PARP3: variants seen among roughly 807,000 people sequenced by gnomAD.
PARP3 encodes poly(ADP-ribose) polymerase family member 3, also known as protein mono-ADP-ribosyltransferase PARP3.
Under a neutral mutation model 58.2 loss-of-function variants are expected in PARP3, and 46 were observed. The ratio of observed to expected loss-of-function variants is 0.79; its 90% CI spans 0.62 to 1.01. The LOEUF (loss-of-function observed/expected upper bound fraction) is 1.01, where lower values mean the gene tolerates loss of function less well. Ranked by LOEUF, PARP3 falls within the 50% of genes least tolerant of loss-of-function variation. The pLI is 0.00. For synonymous variants in PARP3, 252 were observed against 266.4 expected (o/e 0.95, Z 0.53); for missense variants, 663 against 683.9 (o/e 0.97, Z 0.34).
chr3:51,944,281 T>TG lies in PARP3; in HGVS notation c.312+71dup, dbSNP rs1051689448. ...CCTCAAAAGGCCACAGCTACTGACT[T>TG]GGGGGGGCACCTCCCAACTGTCCCA... On this transcript the variant is annotated intron_variant, in intron 3 of 10. Transcript: ENST00000398755. The surrounding 1 kb of genome is among the most constrained non-coding windows in gnomAD (Gnocchi z 4.2). 3.9e-5 allele frequency: 63 copies of TG among 1,608,560 alleles called. No individual in the cohort carries two copies. The highest frequency in any genetic ancestry group is 1.7e-4 in the Middle Eastern group (1 of 6,042).
Position 51,942,408 on chromosome 3 carries a change from C to G in PARP3, c.-303C>G. The G allele has an allele frequency of 1.8e-6, 1 of 563,800 alleles. No individual in the cohort carries two copies. The highest frequency in any genetic ancestry group is 1.9e-5 in the South Asian group (1 of 51,306). The allele number at this position is 563,800 out of a possible 1,614,324, so 34.9% of individuals were successfully genotyped here. A position where few individuals can be genotyped will look rare whatever the true frequency, so the allele number is the denominator to read the frequency against. On this transcript the variant is annotated 5_prime_UTR_variant, in exon 1 of 11. Coordinates refer to ENST00000398755, the MANE Select transcript of PARP3 (RefSeq NM_001003931.4). Reference sequence around the variant, plus strand: ...GTGCTGCAGGCCCCGGCCACATGAGCAGCGCTACGGACGCGACTGCCCCGG... The same window carrying G: ...GTGCTGCAGGCCCCGGCCACATGAGGAGCGCTACGGACGCGACTGCCCCGG...
chr3:51,947,515 T>C, intron 9 of PARP3: 1 of 562,826 alleles, frequency 1.8e-6, no homozygotes, highest in Non-Finnish European at 3.2e-6. Context: ...AGGCCATTGC[T>C]GACCTTGGTG....
At chr3:51,945,349 G>A in intron 6 of PARP3, 125 bp downstream of exon 6, 1 of 1,366,994 alleles carries the variant, frequency 7.3e-7, no homozygotes, top group Non-Finnish European at 1.0e-6. Flanking sequence ...CTGACAGACG[G>A]GTGGGGAAGG....
chr3:51,948,512 G>C lies in PARP3; in HGVS notation c.*32G>C. 1 of 1,603,498 alleles carries C rather than the reference G, an allele frequency of 6.2e-7. No homozygotes were observed. The highest frequency in any genetic ancestry group is 1.1e-5 in the South Asian group (1 of 90,362). On this transcript the variant is annotated 3_prime_UTR_variant, in exon 11 of 11. Coordinates refer to ENST00000398755, the MANE Select transcript of PARP3 (RefSeq NM_001003931.4). ...GCCCTGTCCCCCGGGGTCCTGCAAGGCTGGACTGTGATCTTCAATCATCCT... is the reference window on the plus strand; with the variant it reads ...GCCCTGTCCCCCGGGGTCCTGCAAGCCTGGACTGTGATCTTCAATCATCCT...
At chr3:51,943,971 G>C in intron 2 of PARP3, 118 bp from the exon 3 acceptor site, 1 of 914,488 alleles carries the variant, frequency 1.1e-6, no homozygotes, top group African/African-American at 1.7e-5. Flanking sequence ...TTCCAAGACA[G>C]GGTCCCTCTG....
At chr3:51,942,956 C>T in intron 1 of PARP3, 1 of 1,411,538 alleles carries the variant, frequency 7.1e-7, no homozygotes, top group Non-Finnish European at 9.2e-7. Context: ...GGCAACCATG[C>T]CAGGGCTGAA....
chr3:51,945,435 G>T, intron 6 of PARP3, 60 bp from the exon 7 acceptor site: 1 of 1,572,200 alleles, frequency 6.4e-7, no homozygotes, highest in South Asian at 1.2e-5. Context: ...TCATGTGAGA[G>T]AGGAGAGGGG....
chr3:51,948,645 C>T lies in PARP3; in HGVS notation c.*165C>T, dbSNP rs1699737835. ...AGATCCCTGAACTTATGCCTCCTAA[C>T]TGAAATTTTGTATTCTTTGACACAT... On this transcript the variant is annotated 3_prime_UTR_variant, in exon 11 of 11. Coordinates refer to ENST00000398755, the MANE Select transcript of PARP3 (RefSeq NM_001003931.4). The T allele has an allele frequency of 1.6e-6, 1 of 639,182 alleles. No individual in the cohort carries two copies. The highest frequency in any genetic ancestry group is 2.6e-6 in the Non-Finnish European group (1 of 382,356). 39.6% of individuals were successfully genotyped at this position (639,182 alleles called of 1,614,324 possible).
intron 2 of PARP3, among the ~76,000 whole-genome samples, 185 bp downstream of exon 2, chr3:51,943,723 C>CATCTGCCCTT (rs1699599855): frequency 6.6e-6 from 1 of 152,136 alleles, no homozygotes; most frequent in Admixed American, 6.5e-5. Flanking sequence ...AGGCGGGTCA[C>CATCTGCCCTT]ATCTGCCCTT....
In PARP3 at chr3:51,944,720, C is replaced by G; in HGVS notation, c.502-58C>G. On this transcript the variant is annotated intron_variant, in intron 4 of 10. Coordinates refer to ENST00000398755, the MANE Select transcript of PARP3 (RefSeq NM_001003931.4). This position sits in a 1 kb window ranked among gnomAD's most constrained non-coding sequence, Gnocchi z 4.2. ...CCTCTGGCCTCAGGCTGGCTGGTCT[C>G]TGTCTGGTGTCACGCCCTGCCCCGC... 6.3e-7 allele frequency: 1 copy of G among 1,577,870 alleles called. No homozygotes were observed. The highest frequency in any genetic ancestry group is 8.6e-7 in the Non-Finnish European group (1 of 1,160,912).
In PARP3 at chr3:51,945,604, G is replaced by A. The variant is rs1699658718; in HGVS notation, c.971G>A (p.Cys324Tyr). 6.2e-7 allele frequency: 1 copy of A among 1,613,938 alleles called. No homozygotes were observed. Among genetic ancestry groups the A allele is most frequent in the South Asian group, 1.1e-5 (1 of 91,072 alleles). The part of the protein sequence containing the change: ...PLDRDYQLLK[C>Y]QLQLLDSGAP... ...GACCGAGACTACCAGCTTCTCAAGTGCCAGCTGCAGCTGCTAGACTCTGGA... is the reference window on the plus strand; with the variant it reads ...GACCGAGACTACCAGCTTCTCAAGTACCAGCTGCAGCTGCTAGACTCTGGA... Residue 324 changes from cysteine to tyrosine, a missense_variant, in exon 7 of 11, where the codon TGC (cysteine) becomes TAC (tyrosine). Around this residue, in one of 3 missense-constraint regions of PARP3, gnomAD observed 567 missense variants for 553.6 expected, o/e 1.02. Transcript: ENST00000398755.
In PARP3 at chr3:51,943,444, G is replaced by A. The variant is rs377163298; in HGVS notation, c.89G>A (p.Arg30His). 2.1e-5 allele frequency: 34 copies of A among 1,607,494 alleles called. No homozygotes were observed. The highest frequency in any genetic ancestry group is 1.4e-4 in the South Asian group (13 of 89,914). The change falls in exon 2 of 11, where the codon CGC becomes CAC. Residue 30 changes from arginine to histidine, a missense_variant. Transcript: ENST00000398755. ...RQAGREEDPF[R>H]STAEALKAIP... ...GCAGGAAGGGAGGAGGACCCCTTCC[G>A]CTCCACCGCTGAGGCCCTCAAGGCC...
In PARP3 at chr3:51,942,392, G is replaced by T; in HGVS notation, c.-319G>T. On this transcript the variant is annotated 5_prime_UTR_variant, in exon 1 of 11. Transcript: ENST00000398755. ...CGCGACCGGCAGATGCGTGCTGCAGGCCCCGGCCACATGAGCAGCGCTACG... is the reference window on the plus strand; with the variant it reads ...CGCGACCGGCAGATGCGTGCTGCAGTCCCCGGCCACATGAGCAGCGCTACG... 2 of 548,330 alleles carry T rather than the reference G, an allele frequency of 3.6e-6. No individual in the cohort carries two copies. Among genetic ancestry groups the T allele is most frequent in the Non-Finnish European group, 6.6e-6 (2 of 302,908 alleles). The allele number at this position is 548,330 out of a possible 1,614,324, so 34.0% of individuals were successfully genotyped here.
chr3:51,947,723 C>T lies in PARP3; in HGVS notation c.1277-17C>T. ...GGCAGGCTGAGCTGCCCACCGGTGCCTCCCTGTGTCTTGCAGTTATTGGCA... is the reference window on the plus strand; with the variant it reads ...GGCAGGCTGAGCTGCCCACCGGTGCTTCCCTGTGTCTTGCAGTTATTGGCA... On this transcript the variant is annotated splice_polypyrimidine_tract_variant and intron_variant, in intron 9 of 10. Transcript: ENST00000398755. The T allele has an allele frequency of 1.2e-6, 2 of 1,613,838 alleles. No homozygotes were observed. Among genetic ancestry groups the T allele is most frequent in the East Asian group, 4.5e-5 (2 of 44,878 alleles).
Position 51,943,113 on chromosome 3 carries a change from C to T in PARP3, c.-2-241C>T, listed in dbSNP as rs1699583572. ...CAGAGTGGGCAGACTGGACAGAGTC[C>T]TAACCTTGCACTTGGGACTGGGGAA... is the stretch of plus-strand genomic sequence containing the variant. On this transcript the variant is annotated intron_variant, in intron 1 of 10. Transcript: ENST00000398755. 4.3e-6 allele frequency: 5 copies of T among 1,164,742 alleles called. No individual in the cohort carries two copies. In the South Asian group the frequency reaches 5.1e-5, roughly 12 times the overall value. 72.2% of individuals were successfully genotyped at this position (1,164,742 alleles called of 1,614,324 possible). A position where few individuals can be genotyped will look rare whatever the true frequency, so the allele number is the denominator to read the frequency against.
At position 51,945,082 on chromosome 3, in the gene PARP3, T is replaced by C. The variant is rs761446569; in HGVS notation, c.719T>C (p.Leu240Pro). 6.2e-6 allele frequency: 10 copies of C among 1,614,052 alleles called. No individual in the cohort carries two copies. In the East Asian group the frequency reaches 2.0e-4, roughly 32 times the overall value. ...GCCTTGGAGGCGCTGGAGGAGGCCC[T>C]GAAAGGCCCCACGGATGGTGGCCAA... ...FEALEALEEA[L>P]KGPTDGGQSL... The change falls in exon 6 of 11, where the codon CTG (leucine) becomes CCG (proline). Residue 240 changes from leucine (L) to proline (P), a missense_variant. Leu to Pro is a moderately conservative substitution (Grantham distance 98). Coordinates refer to ENST00000398755, the MANE Select transcript of PARP3 (RefSeq NM_001003931.4).
chr3:51,946,181 G>T lies in PARP3; in HGVS notation c.1114G>T (p.Ala372Ser), dbSNP rs1699672277. ...NQEGEEDRFQ[A>S]HSKLGNRKLL... ...CTCCACTCAGGAAGACAGATTCCAG[G>T]CCCACTCCAAACTGGGTAATCGGAA... is the stretch of plus-strand genomic sequence containing the variant. The change falls in exon 9 of 11, where the codon GCC becomes TCC. Residue 372 changes from alanine to serine, a missense_variant. Physicochemically the swap from Ala to Ser is moderately conservative, Grantham distance 99. Transcript: ENST00000398755. This position sits in a 1 kb window ranked among gnomAD's most constrained non-coding sequence, Gnocchi z 4.6. 3 of 1,602,486 alleles carry T rather than the reference G, an allele frequency of 1.9e-6. No individual in the cohort carries two copies. The highest frequency in any genetic ancestry group is 1.1e-5 in the South Asian group (1 of 89,038).
chr3:51,948,192 A>G, intron 10 of PARP3, 119 bp from the exon 11 acceptor site: 1 of 1,057,608 alleles, frequency 9.5e-7, no homozygotes, highest in South Asian at 1.5e-5. Context: ...GAGGTGGGCA[A>G]GGTGGAAATG....
chr3:51,947,006 A>G (rs1182153022), intron 9 of PARP3, among the ~76,000 whole-genome samples: 1 of 152,250 alleles, frequency 6.6e-6, no homozygotes, highest in Non-Finnish European at 1.5e-5. Flanking sequence ...GGGGGGCAGC[A>G]GCCAGAGGCT....
Sources: gnomAD v4.1 joint callset for allele counts (sites outside exome capture counted in the v4.1 genomes callset) on GRCh38, gnomAD v4.1.1 for gene constraint, gnomAD v4.1.1 regional missense constraint, Gnocchi (gnomAD v3.1) non-coding constraint, MANE v1.5 for transcripts, NCBI Gene and HGNC (gene_info 2026-07-23, HGNC 2026-07-21) for gene names.